VPS35L: variants seen among roughly 807,000 people sequenced by gnomAD.
The protein encoded by VPS35L is VPS35 endosomal protein sorting factor like.
A neutral mutation model predicts 133.0 loss-of-function variants in VPS35L; 83 were observed. The observed-to-expected ratio is 0.62, with a 90% CI of 0.52 to 0.75. VPS35L has a LOEUF of 0.75. Ranked by LOEUF, VPS35L falls within the 30% of genes least tolerant of loss-of-function variation. VPS35L has a pLI of 0.00. For missense variants in VPS35L, 1,083 were observed against 1,206.8 expected (o/e 0.90, Z 1.52); for synonymous variants, 423 against 449.9 (o/e 0.94, Z 0.76).
intron 27 of VPS35L, among the ~76,000 whole-genome samples, chr16:19,676,364 CCT>C (rs2151612068): frequency 6.6e-6 from 1 of 152,284 alleles, no homozygotes; most frequent in South Asian, 2.1e-4. Context: ...CCAGGGTGGC[CCT>C]CTCTCCCCTG....
intron 26 of VPS35L, among the ~76,000 whole-genome samples, chr16:19,663,185 C>T (rs1313132818): frequency 6.6e-6 from 1 of 151,970 alleles, no homozygotes; most frequent in Non-Finnish European, 1.5e-5. Context: ...GTGGCTCATG[C>T]CTATAATCCC....
rs747566987 is a variant in VPS35L at position 19,591,780 on chromosome 16, C to CT, written c.640-3dup. On this transcript the variant is annotated splice_polypyrimidine_tract_variant and intron_variant, in intron 7 of 30. Transcript: ENST00000417362. Reference sequence around the variant, plus strand: ...CAGAGTGAATTTTCTCTTTTTTTCTCTTTTTTTAGTGTTCAAAGCTTCTTT... The same window carrying CT: ...CAGAGTGAATTTTCTCTTTTTTTCTCTTTTTTTTAGTGTTCAAAGCTTCTTT... 2.5e-6 allele frequency: 4 copies of CT among 1,604,154 alleles called. No individual in the cohort carries two copies. In the South Asian group the frequency reaches 3.3e-5, roughly 13 times the overall value.
intron 11 of VPS35L, 94 bp from the exon 12 acceptor site, chr16:19,610,228 T>A (rs1300424971): frequency 6.4e-6 from 7 of 1,096,698 alleles, no homozygotes; most frequent in Non-Finnish European, 3.9e-6. Flanking sequence ...CCCCCCTCCC[T>A]GAAATTTAGG....
chr16:19,610,959 GT>G (rs556199768), intron 12 of VPS35L, among the ~76,000 whole-genome samples: 1 of 152,148 alleles, frequency 6.6e-6, no homozygotes, highest in Non-Finnish European at 1.5e-5. Context: ...AAGCTATTAA[GT>G]TTTTTGTGTA....
intron 16 of VPS35L, 98 bp downstream of exon 16, chr16:19,627,903 C>A: frequency 1.1e-6 from 1 of 912,550 alleles, no homozygotes; most frequent in Non-Finnish European, 1.8e-6. Context: ...CATGGGCCAG[C>A]AGGAACACAG....
intron 24 of VPS35L, 122 bp from the exon 25 acceptor site, chr16:19,650,260 C>T: frequency 1.2e-6 from 1 of 807,356 alleles, no homozygotes; most frequent in South Asian, 1.5e-5. Flanking sequence ...GCTAACCAGT[C>T]TTGGTCCTAG....
intron 29 of VPS35L, among the ~76,000 whole-genome samples, chr16:19,692,281 G>A (rs9928257): frequency 0.039 from 5,918 of 152,234 alleles, 298 homozygotes; most frequent in African/African-American, 0.12. Context: ...GCAGAGCCCG[G>A]CCTGCGGCAG....
intron 28 of VPS35L, among the ~76,000 whole-genome samples, chr16:19,689,710 A>G (rs948622565): frequency 1.3e-5 from 2 of 152,072 alleles, no homozygotes; most frequent in Non-Finnish European, 2.9e-5. Flanking sequence ...ACTTCGTCCC[A>G]CCCAGGATAT....
At chr16:19,576,667 A>G (rs548364967) in intron 5 of VPS35L, among the ~76,000 whole-genome samples, 17 of 151,980 alleles carry the variant, frequency 1.1e-4, no homozygotes, top group African/African-American at 3.6e-4. Context: ...CACTCTCCCC[A>G]CGGCTCTGCT....
chr16:19,612,750 A>G (rs192538304), intron 12 of VPS35L, among the ~76,000 whole-genome samples: 60 of 152,144 alleles, frequency 3.9e-4, no homozygotes, highest in African/African-American at 1.4e-3. Context: ...ATTTTTTGCA[A>G]GCCTGTTCCC....
chr16:19,606,911 A>G (rs1372427331), intron 9 of VPS35L, among the ~76,000 whole-genome samples: 2 of 152,158 alleles, frequency 1.3e-5, no homozygotes, highest in African/African-American at 4.8e-5. Flanking sequence ...CAGCCTTCCA[A>G]GTAGCTGGGG....
chr16:19,633,797 G>A lies in VPS35L; in HGVS notation c.1635+625G>A, dbSNP rs1973534822. Among the ~76,000 whole-genome samples, 1 of 152,118 alleles carries A rather than the reference G, an allele frequency of 6.6e-6. No individual in the cohort carries two copies. The highest frequency in any genetic ancestry group is 2.1e-4 in the South Asian group (1 of 4,822). Reference sequence around the variant, plus strand: ...CTGTTGCCCAGGCTGGAGTGCAGTGGTGCGATCTTGGCTCATTGCAACCTC... The same window carrying A: ...CTGTTGCCCAGGCTGGAGTGCAGTGATGCGATCTTGGCTCATTGCAACCTC... On this transcript the variant is annotated intron_variant, in intron 19 of 30. Coordinates refer to ENST00000417362, the MANE Select transcript of VPS35L (RefSeq NM_020314.7). The surrounding 1 kb of genome is among the most constrained non-coding windows in gnomAD (Gnocchi z 4.1).
intron 26 of VPS35L, among the ~76,000 whole-genome samples, chr16:19,660,186 G>A (rs1415548128): frequency 6.6e-5 from 10 of 152,116 alleles, no homozygotes; most frequent in East Asian, 3.9e-4. Flanking sequence ...TTAGCCGGGC[G>A]TGGTGGTGTG....
intron 26 of VPS35L, 104 bp from the exon 27 acceptor site, chr16:19,669,056 G>T (rs946011950): frequency 4.8e-6 from 6 of 1,241,924 alleles, no homozygotes; most frequent in Non-Finnish European, 6.6e-6. Context: ...GCATGGCCTG[G>T]CTTCTACCTA....
intron 8 of VPS35L, among the ~76,000 whole-genome samples, chr16:19,597,726 T>C (rs1045213339): frequency 3.9e-5 from 6 of 152,192 alleles, no homozygotes; most frequent in African/African-American, 1.4e-4. Flanking sequence ...CTCAGGACTG[T>C]TGAGGCAGCC....
intron 14 of VPS35L, among the ~76,000 whole-genome samples, chr16:19,620,636 C>T (rs887479128): frequency 5.3e-5 from 8 of 152,214 alleles, no homozygotes; most frequent in African/African-American, 1.4e-4. Context: ...TAAATATATA[C>T]ACTTACTATG....
At chr16:19,631,422 T>C (rs1245153043) in intron 18 of VPS35L, among the ~76,000 whole-genome samples, 2 of 152,192 alleles carry the variant, frequency 1.3e-5, no homozygotes, top group African/African-American at 2.4e-5. Context: ...TCCTGGCCTC[T>C]AACACCAAAA....
chr16:19,610,970 A>G (rs541796341), intron 12 of VPS35L, among the ~76,000 whole-genome samples: 99 of 152,224 alleles, frequency 6.5e-4, no homozygotes, highest in Non-Finnish European at 1.1e-3. Flanking sequence ...TTTTTTGTGT[A>G]TGGAAAAAAT....
Position 19,639,259 on chromosome 16 carries a change from G to GGT in VPS35L, c.1699-755_1699-754dup, listed in dbSNP as rs904824090. ...AGATGAGAAAACTGATGCAGGAAGA[G>GGT]GTAGAGTAACTTGCTTACAGCCACA... is the stretch of plus-strand genomic sequence containing the variant. On this transcript the variant is annotated intron_variant, in intron 20 of 30. Coordinates refer to ENST00000417362, the MANE Select transcript of VPS35L (RefSeq NM_020314.7). This position sits in a 1 kb window ranked among gnomAD's most constrained non-coding sequence, Gnocchi z 4.1. Among the ~76,000 whole-genome samples, 4 of 152,298 alleles carry GGT rather than the reference G, an allele frequency of 2.6e-5. No individual in the cohort carries two copies. The highest frequency in any genetic ancestry group is 2.9e-5 in the Non-Finnish European group (2 of 68,024).
Sources: gnomAD v4.1 joint callset for allele counts (sites outside exome capture counted in the v4.1 genomes callset) on GRCh38, gnomAD v4.1.1 for gene constraint, Gnocchi (gnomAD v3.1) non-coding constraint, MANE v1.5 for transcripts, NCBI Gene and HGNC (gene_info 2026-07-23, HGNC 2026-07-21) for gene names.